Variants in LRBA observed in about 807,000 individuals in gnomAD.
LRBA encodes lipopolysaccharide-responsive and beige-like anchor protein.
In LRBA, 176 loss-of-function variants were observed where a neutral mutation model predicts 330.0. That is an observed-to-expected ratio of 0.53 (90% CI 0.47 to 0.60). The LOEUF is 0.60. Among genes scored for constraint, LRBA ranks in the 20% least tolerant of loss-of-function variants. The pLI is 0.00. For synonymous variants in LRBA, 1,230 were observed against 1,193.0 expected (o/e 1.03, Z -0.64); for missense variants, 3,259 against 3,444.8 (o/e 0.95, Z 1.35).
intron 11 of LRBA, 43 bp from the exon 12 acceptor site, chr4:150,906,448 A>T (rs772746604): frequency 3.6e-6 from 4 of 1,112,626 alleles, no homozygotes; most frequent in South Asian, 1.3e-5. Context: ...AACATATTCT[A>T]TTTTTTTTAA....
intron 17 of LRBA, among the ~76,000 whole-genome samples, chr4:150,878,512 A>G (rs2127034341): frequency 6.6e-6 from 1 of 152,190 alleles, no homozygotes; most frequent in Middle Eastern, 3.4e-3. Context: ...GAACTAAACA[A>G]AACTGAGACC....
Position 150,852,415 on chromosome 4 carries a change from T to C in LRBA, c.3295A>G (p.Lys1099Glu), listed in dbSNP as rs747632674. ...TCTTCCTCTTCCTCTACTATAGATT[T>C]ATCCAAGAATTCTGGCATCTCTGAG... ...DASEMPEFLD[K>E]SIVEEEEDDD... The change falls in exon 23 of 57, where the codon AAA becomes GAA. Residue 1099 changes from lysine to glutamate, a missense_variant. Physicochemically the swap from Lys to Glu is moderately conservative, Grantham distance 56 (BLOSUM62 1). Coordinates refer to ENST00000651943, the MANE Select transcript of LRBA (RefSeq NM_001364905.1). 2 of 1,613,598 alleles carry C rather than the reference T, an allele frequency of 1.2e-6. No individual in the cohort carries two copies. The highest frequency in any genetic ancestry group is 2.2e-5 in the East Asian group (1 of 44,874).
At chr4:150,846,862 A>C (rs537862622) in intron 26 of LRBA, among the ~76,000 whole-genome samples, 1 of 152,308 alleles carries the variant, frequency 6.6e-6, no homozygotes, top group African/African-American at 2.4e-5. Context: ...GGATTAAATT[A>C]TCTCTTAATT....
At chr4:150,840,433 A>G (rs1165075162) in intron 28 of LRBA, 1 of 152,152 alleles carries the variant, frequency 6.6e-6, no homozygotes, top group Non-Finnish European at 1.5e-5. Context: ...CTTAGAGGCC[A>G]CTGTAGGGCT....
chr4:150,836,888 G>C (rs1748182908), intron 28 of LRBA, among the ~76,000 whole-genome samples: 1 of 152,110 alleles, frequency 6.6e-6, no homozygotes, highest in African/African-American at 2.4e-5. Flanking sequence ...TGTGATGTTA[G>C]GGTGTCAATT....
At chr4:150,456,666 C>A (rs182451561) in intron 44 of LRBA, among the ~76,000 whole-genome samples, 1 of 152,050 alleles carries the variant, frequency 6.6e-6, no homozygotes. Context: ...TGCGCAGAAG[C>A]CTTTTTAACT....
At position 150,871,339 on chromosome 4, in the gene LRBA, T is replaced by G. The variant is rs1753416386; in HGVS notation, c.2367+6A>C. The G allele has an allele frequency of 6.5e-7, 1 of 1,540,608 alleles. No individual in the cohort carries two copies. Among genetic ancestry groups the G allele is most frequent in the Non-Finnish European group, 9.0e-7 (1 of 1,116,178 alleles). ...TTAGAGGAGTAAATCCTAAGTACAT[T>G]CCTACCTCAAACAGCACATTATATG... On this transcript the variant is annotated splice_donor_region_variant and intron_variant, in intron 19 of 56. Coordinates refer to ENST00000651943, the MANE Select transcript of LRBA (RefSeq NM_001364905.1).
At chr4:150,796,239 A>T (rs1740770395) in intron 34 of LRBA, among the ~76,000 whole-genome samples, 1 of 151,978 alleles carries the variant, frequency 6.6e-6, no homozygotes, top group Admixed American at 6.6e-5. Flanking sequence ...TTCATGTAGA[A>T]AAAGACAGTT....
rs79162480 is a variant in LRBA, at chr4:150,441,903, A to G, written c.6781-5039T>C. ...GTTGATTTAAAGGCCAATATAAGTA[A>G]GCACTTAGAAGAGTTCCTGGCACAC... On this transcript the variant is annotated intron_variant, in intron 44 of 56. Coordinates refer to ENST00000651943, the MANE Select transcript of LRBA (RefSeq NM_001364905.1). Among the ~76,000 whole-genome samples, 896 of 152,302 alleles carry G rather than the reference A, an allele frequency of 5.9e-3. 11 individuals are homozygous for G. The highest frequency in any genetic ancestry group is 0.02 in the African/African-American group (848 of 41,586).
chr4:150,329,825 C>G (rs1733754875), intron 48 of LRBA, among the ~76,000 whole-genome samples: 1 of 152,158 alleles, frequency 6.6e-6, no homozygotes, highest in Non-Finnish European at 1.5e-5. Context: ...ATCTTGTCTA[C>G]ATTTTAAAAA....
At chr4:150,466,151 T>C (rs528877688) in intron 44 of LRBA, among the ~76,000 whole-genome samples, 1 of 152,200 alleles carries the variant, frequency 6.6e-6, no homozygotes, top group East Asian at 1.9e-4. Context: ...CTATTGTTTG[T>C]CATGAGGAAA....
At chr4:150,753,944 G>A (rs1474802078) in intron 35 of LRBA, among the ~76,000 whole-genome samples, 1 of 151,892 alleles carries the variant, frequency 6.6e-6, no homozygotes, top group Non-Finnish European at 1.5e-5. Context: ...GCGAGCACCT[G>A]TAGTCCCAGG....
chr4:150,857,176 A>T (rs1404540006), intron 22 of LRBA, among the ~76,000 whole-genome samples: 1 of 152,174 alleles, frequency 6.6e-6, no homozygotes, highest in East Asian at 1.9e-4. Context: ...TAAATAAGAT[A>T]TATCTTTAAA....
At position 150,490,883 on chromosome 4, in the gene LRBA, T is replaced by C. The variant is rs746773870; in HGVS notation, c.6448+35A>G. ...AATGAAATCTTAAAGAGATGGAAGT[T>C]AGCTCTGTAACAACGTATTTCTGTA... On this transcript the variant is annotated intron_variant, in intron 41 of 56. Coordinates refer to ENST00000651943, the MANE Select transcript of LRBA (RefSeq NM_001364905.1). 6 of 1,236,246 alleles carry C rather than the reference T, an allele frequency of 4.9e-6. No homozygotes were observed. In the African/African-American group the frequency reaches 5.9e-5, roughly 12 times the overall value. 76.6% of individuals were successfully genotyped at this position (1,236,246 alleles called of 1,614,324 possible). A position where few individuals can be genotyped will look rare whatever the true frequency, so the allele number is the denominator to read the frequency against.
intron 31 of LRBA, among the ~76,000 whole-genome samples, chr4:150,811,889 A>G (rs1330394557): frequency 6.6e-6 from 1 of 152,212 alleles, no homozygotes; most frequent in Non-Finnish European, 1.5e-5. Context: ...TTCTAAATAA[A>G]GCAGTAACAA....
intron 28 of LRBA, among the ~76,000 whole-genome samples, chr4:150,838,218 T>C (rs1022339728): frequency 6.6e-6 from 1 of 152,226 alleles, no homozygotes; most frequent in African/African-American, 2.4e-5. Flanking sequence ...CTGGCTGCCC[T>C]TAACATTTTT....
intron 47 of LRBA, among the ~76,000 whole-genome samples, chr4:150,388,644 A>G (rs1186913714): frequency 6.6e-6 from 1 of 152,160 alleles, no homozygotes; most frequent in African/African-American, 2.4e-5. Flanking sequence ...TTGTGATATA[A>G]TTTTTTAAAA....
intron 44 of LRBA, among the ~76,000 whole-genome samples, chr4:150,445,891 C>T (rs913747808): frequency 1.2e-4 from 19 of 152,090 alleles, no homozygotes; most frequent in African/African-American, 4.1e-4. Flanking sequence ...ACAATACTCC[C>T]TCCTCAGCCT....
Position 150,871,378 on chromosome 4 carries a change from T to C in LRBA, c.2334A>G (p.Leu778=), listed in dbSNP as rs558902182. ...GCACATTATATGTGGTCATTGTGATTAAATTTGTCTGAAGCATGAGCCTTT... is the reference window on the plus strand; with the variant it reads ...GCACATTATATGTGGTCATTGTGATCAAATTTGTCTGAAGCATGAGCCTTT... ...LAERLMLQTN[L]ITMTTYNVLF... The change falls in exon 19 of 57, where the codon TTA becomes TTG. Residue 778 remains leucine, a synonymous_variant. Coordinates refer to ENST00000651943, the MANE Select transcript of LRBA (RefSeq NM_001364905.1). The C allele has an allele frequency of 8.1e-6, 13 of 1,611,792 alleles. No homozygotes were observed. In the East Asian group the frequency reaches 2.9e-4, roughly 36 times the overall value.
Sources: allele counts gnomAD v4.1 joint callset (sites outside exome capture counted in the v4.1 genomes callset), GRCh38; gene constraint gnomAD v4.1.1; transcripts MANE v1.5; gene names NCBI Gene and HGNC (gene_info 2026-07-23, HGNC 2026-07-21).